TAS2R20: variants seen among roughly 807,000 people sequenced by gnomAD.
TAS2R20 encodes the protein taste 2 receptor member 20, also known as taste receptor type 2 member 20.
For missense variants in TAS2R20, 364 were observed against 352.2 expected, an observed-to-expected ratio of 1.03 and a Z score of -0.27; for synonymous variants, 136 against 127.1, an observed-to-expected ratio of 1.07 and a Z score of -0.47.
rs772942599 is a variant in TAS2R20, at chr12:10,997,184, A to G, written c.692T>C (p.Val231Ala). The change falls in exon 1 of 1, where the codon GTG becomes GCG. Residue 231 changes from valine to alanine, a missense_variant. By Grantham distance (64) the Val-to-Ala change is moderately conservative. Transcript: ENST00000538986. ...TKIHIKALQT[V>A]TSFLILLAIY... ...GGCAAGTAATATGAGGAAGGAGGTC[A>G]CAGTTTGCAGAGCTTTTATGTGGAT... is the stretch of plus-strand genomic sequence containing the variant. 1 of 1,614,138 alleles carries G rather than the reference A, an allele frequency of 6.2e-7. No homozygotes were observed. Among genetic ancestry groups the G allele is most frequent in the South Asian group, 1.1e-5 (1 of 91,082 alleles).
Position 10,997,872 on chromosome 12 carries a change from T to C in TAS2R20, c.4A>G (p.Met2Val). The change falls in exon 1 of 1, where the codon ATG becomes GTG. Residue 2 changes from methionine to valine, a missense_variant. Met to Val is a conservative substitution (Grantham distance 21). Transcript: ENST00000538986. M[M>V]SFLHIVFSIL... ...GAAAAAACAATGTGTAGAAAACTCA[T>C]CATGTCTAAACAAAAAAGCAAGTAA... 6.3e-7 allele frequency: 1 copy of C among 1,583,980 alleles called. No homozygotes were observed. The highest frequency in any genetic ancestry group is 8.6e-7 in the Non-Finnish European group (1 of 1,166,160).
Position 10,997,413 on chromosome 12 carries a change from T to C in TAS2R20, c.463A>G (p.Thr155Ala), listed in dbSNP as rs774403812. ...GTTACGTTTCCTTCACATTCTTCTG[T>C]CCACACATTTATATACGTGTGTTTC... is the stretch of plus-strand genomic sequence containing the variant. ...VMKHTYINVWTEECEGNVTWK... is the reference protein window; with the variant it reads ...VMKHTYINVWAEECEGNVTWK... Residue 155 changes from threonine to alanine, a missense_variant, in exon 1 of 1, where the codon ACA becomes GCA. By Grantham distance (58) the Thr-to-Ala change is moderately conservative (BLOSUM62 0). Coordinates refer to ENST00000538986, the MANE Select transcript of TAS2R20 (RefSeq NM_176889.4). The C allele has an allele frequency of 1.2e-6, 2 of 1,614,082 alleles. No individual in the cohort carries two copies. The highest frequency in any genetic ancestry group is 1.3e-5 in the African/African-American group (1 of 75,052).
Position 10,996,902 on chromosome 12 carries a change from A to G in TAS2R20, c.*44T>C. 1.3e-6 allele frequency: 2 copies of G among 1,513,052 alleles called. No homozygotes were observed. Among genetic ancestry groups the G allele is most frequent in the Non-Finnish European group, 1.8e-6 (2 of 1,125,312 alleles). The allele number at this position is 1,513,052 out of a possible 1,614,324, so 93.7% of individuals were successfully genotyped here. The stretch of plus-strand genomic sequence containing the variant: ...AATATAAAATGTTCCAGACACCATC[A>G]ATTTGTTTTCTGCTAGAAAACACAC... On this transcript the variant is annotated 3_prime_UTR_variant, in exon 1 of 1. Coordinates refer to ENST00000538986, the MANE Select transcript of TAS2R20 (RefSeq NM_176889.4).
Position 10,996,928 on chromosome 12 carries a change from A to G in TAS2R20, c.*18T>C. ...ATTTGTTTTCTGCTAGAAAACACAC[A>G]ATGCACCTCTTGTGAATCTATGGAG... On this transcript the variant is annotated 3_prime_UTR_variant, in exon 1 of 1. Coordinates refer to ENST00000538986, the MANE Select transcript of TAS2R20 (RefSeq NM_176889.4). The G allele has an allele frequency of 1.3e-6, 2 of 1,568,500 alleles. No homozygotes were observed. Among genetic ancestry groups the G allele is most frequent in the East Asian group, 2.3e-5 (1 of 44,258 alleles).
Position 10,997,213 on chromosome 12 carries a change from G to C in TAS2R20, c.663C>G (p.Thr221=). The C allele has an allele frequency of 6.2e-7, 1 of 1,614,058 alleles. No individual in the cohort carries two copies. Among genetic ancestry groups the C allele is most frequent in the Admixed American group, 1.7e-5 (1 of 59,998 alleles). The change falls in exon 1 of 1, where the codon ACC becomes ACG. Residue 221 remains threonine, a synonymous_variant. Coordinates refer to ENST00000538986, the MANE Select transcript of TAS2R20 (RefSeq NM_176889.4). The part of the protein sequence containing the change: ...LHGKGSQDPS[T]KIHIKALQTV... ...TTTGCAGAGCTTTTATGTGGATCTT[G>C]GTGCTGGGATCTTGAGATCCTTTGC... is the stretch of plus-strand genomic sequence containing the variant.
In TAS2R20 at chr12:10,997,656, T is replaced by G. The variant is rs1047173607; in HGVS notation, c.220A>C (p.Thr74Pro). Residue 74 changes from threonine to proline, a missense_variant, in exon 1 of 1, where the codon ACT (threonine) becomes CCT (proline). Thr to Pro is a conservative substitution (Grantham distance 38, BLOSUM62 -1). Transcript: ENST00000538986. ...ATTATTACTTTTAAATTAGATGAAG[T>G]TGGATTCAACACAGTTGAATACCAA... ...LHWYSTVLNP[T>P]SSNLKVIIFI... 1 of 1,613,472 alleles carries G rather than the reference T, an allele frequency of 6.2e-7. No individual in the cohort carries two copies. The highest frequency in any genetic ancestry group is 1.3e-5 in the African/African-American group (1 of 74,884).
rs61912291 is a variant in TAS2R20, at chr12:10,996,791, T to G, written c.*155A>C. 113,712 of 497,590 alleles carry G rather than the reference T, an allele frequency of 0.23. 13,829 individuals are homozygous for G. Among genetic ancestry groups the G allele is most frequent in the Non-Finnish European group, 0.25 (73,037 of 294,906 alleles). The allele number at this position is 497,590 out of a possible 1,614,324, so 30.8% of individuals were successfully genotyped here. ...AAATGTATATTATATATATATACTT[T>G]TATATAATAAACTTAGGTAAAAGAC... On this transcript the variant is annotated 3_prime_UTR_variant, in exon 1 of 1. Coordinates refer to ENST00000538986, the MANE Select transcript of TAS2R20 (RefSeq NM_176889.4).
the TAS2R20 span, chr12:10,996,995 A>T: frequency 6.2e-7 from 1 of 1,613,828 alleles, no homozygotes; most frequent in Non-Finnish European, 8.5e-7. Context: ...CACCTGCCAC[A>T]AAACTGAAAG....
rs1021300453 is a variant in TAS2R20 at position 10,996,529 on chromosome 12, G to A, written c.*417C>T. The A allele has an allele frequency of 4.6e-5, 7 of 153,204 alleles. No homozygotes were observed. Among genetic ancestry groups the A allele is most frequent in the African/African-American group, 7.2e-5 (3 of 41,404 alleles). The allele number at this position is 153,204 out of a possible 1,614,324, so 9.5% of individuals were successfully genotyped here. ...CGAAAAACAGCAATGATTTTACAAC[G>A]AAAAACAGCAATGATTTTCTGATAT... is the stretch of plus-strand genomic sequence containing the variant. On this transcript the variant is annotated 3_prime_UTR_variant, in exon 1 of 1. Coordinates refer to ENST00000538986, the MANE Select transcript of TAS2R20 (RefSeq NM_176889.4).
chr12:10,997,531 T>G lies in TAS2R20; in HGVS notation c.345A>C (p.Arg115Ser). 1 of 1,614,020 alleles carries G rather than the reference T, an allele frequency of 6.2e-7. No homozygotes were observed. The highest frequency in any genetic ancestry group is 8.5e-7 in the Non-Finnish European group (1 of 1,179,964). Residue 115 changes from arginine to serine, a missense_variant, in exon 1 of 1, where the codon AGA becomes AGC. Coordinates refer to ENST00000538986, the MANE Select transcript of TAS2R20 (RefSeq NM_176889.4). ...FYLLKIVNFS[R>S]LIFHHLKRKA... ...TCCTTTTTAAGTGATGAAAAATAAG[T>G]CTGGAGAAATTGACGATCTTGAGCA...
In TAS2R20 at chr12:10,997,230, A is replaced by G; in HGVS notation, c.646T>C (p.Ser216Pro). 6.2e-7 allele frequency: 1 copy of G among 1,613,954 alleles called. No homozygotes were observed. The highest frequency in any genetic ancestry group is 8.5e-7 in the Non-Finnish European group (1 of 1,179,946). Residue 216 changes from serine (S) to proline (P), a missense_variant, in exon 1 of 1, where the codon TCT becomes CCT. Transcript: ENST00000538986. ...LKKMQLHGKG[S>P]QDPSTKIHIK... ...TGGATCTTGGTGCTGGGATCTTGAG[A>G]TCCTTTGCCATGGAGCTGCATCTTC... is the stretch of plus-strand genomic sequence containing the variant.
At position 10,997,597 on chromosome 12, in the gene TAS2R20, A is replaced by C. The variant is rs1334743079; in HGVS notation, c.279T>G (p.His93Gln). ...GGCTAGTAGCAAGCCAGATGCTGAA[A>C]TGATTGGTTACTGCCCAGGCATTAG... ...FISNAWAVTN[H>Q]FSIWLATSLS... is the part of the protein sequence containing the mutation. The change falls in exon 1 of 1, where the codon CAT becomes CAG. Residue 93 changes from histidine to glutamine, a missense_variant. Coordinates refer to ENST00000538986, the MANE Select transcript of TAS2R20 (RefSeq NM_176889.4). The C allele has an allele frequency of 1.9e-6, 3 of 1,613,982 alleles. No individual in the cohort carries two copies. In the African/African-American group the frequency reaches 4.0e-5, roughly 22 times the overall value.
chr12:10,997,645 A>G lies in TAS2R20; in HGVS notation c.231T>C (p.Asn77=), dbSNP rs779976443. ...TAGAAATAAAAATTATTACTTTTAA[A>G]TTAGATGAAGTTGGATTCAACACAG... ...YSTVLNPTSS[N]LKVIIFISNA... The change falls in exon 1 of 1, where the codon AAT becomes AAC. Residue 77 remains asparagine (N), a synonymous_variant. Coordinates refer to ENST00000538986, the MANE Select transcript of TAS2R20 (RefSeq NM_176889.4). 12 of 1,613,726 alleles carry G rather than the reference A, an allele frequency of 7.4e-6. 1 individual carries two copies. The South Asian group carries it at 9.9e-5, about 13-fold the overall frequency.
In TAS2R20 at chr12:10,997,760, T is replaced by A. The variant is rs144230027; in HGVS notation, c.116A>T (p.Gln39Leu). ...LINFIAWVKR[Q>L]KISSADQIIA... ...AATTTGATCAGCTGAGGAGATCTTT[T>A]GTCTCTTGACCCAGGCAATGAAATT... The change falls in exon 1 of 1, where the codon CAA (glutamine) becomes CTA (leucine). Residue 39 changes from glutamine to leucine, a missense_variant. Transcript: ENST00000538986. The A allele has an allele frequency of 6.2e-7, 1 of 1,613,846 alleles. No homozygotes were observed. The highest frequency in any genetic ancestry group is 1.3e-5 in the African/African-American group (1 of 74,930).
Position 10,997,550 on chromosome 12 carries a change from T to A in TAS2R20, c.326A>T (p.Lys109Met). 1 of 1,614,098 alleles carries A rather than the reference T, an allele frequency of 6.2e-7. No homozygotes were observed. The highest frequency in any genetic ancestry group is 8.5e-7 in the Non-Finnish European group (1 of 1,179,988). Reference protein sequence around the residue: ...ATSLSIFYLLKIVNFSRLIFH... With the variant: ...ATSLSIFYLLMIVNFSRLIFH... ...AATAAGTCTGGAGAAATTGACGATCTTGAGCAAATAAAATATGCTGAGGCT... is the reference window on the plus strand; with the variant it reads ...AATAAGTCTGGAGAAATTGACGATCATGAGCAAATAAAATATGCTGAGGCT... Residue 109 changes from lysine (K) to methionine (M), a missense_variant, in exon 1 of 1, where the codon AAG becomes ATG. Transcript: ENST00000538986.
chr12:10,997,512 T>C lies in TAS2R20; in HGVS notation c.364A>G (p.Lys122Glu), dbSNP rs764482903. The C allele has an allele frequency of 9.9e-6, 16 of 1,613,816 alleles. No homozygotes were observed. Among genetic ancestry groups the C allele is most frequent in the East Asian group, 2.2e-5 (1 of 44,888 alleles). The change falls in exon 1 of 1, where the codon AAA (lysine) becomes GAA (glutamate). Residue 122 changes from lysine (K) to glutamate (E), a missense_variant. Lys to Glu is a moderately conservative substitution (Grantham distance 56). Coordinates refer to ENST00000538986, the MANE Select transcript of TAS2R20 (RefSeq NM_176889.4). ...AGAACTACACTCTTAGCCTTCCTTT[T>C]TAAGTGATGAAAAATAAGTCTGGAG... ...NFSRLIFHHLKRKAKSVVLVI... is the reference protein window; with the variant it reads ...NFSRLIFHHLERKAKSVVLVI...
At chr12:10,996,960 G>A in the TAS2R20 span, 9 of 1,609,946 alleles carry the variant, frequency 5.6e-6, no homozygotes, top group African/African-American at 1.1e-4. Context: ...GGAGTTGACT[G>A]GTTCTGTCCT....
the TAS2R20 span, chr12:10,997,029 TC>T: frequency 6.2e-7 from 1 of 1,613,944 alleles, no homozygotes; most frequent in Non-Finnish European, 8.5e-7. Context: ...AGCGTCTTGT[TC>T]CCCCAAATCA....
chr12:10,997,892 A>C lies in TAS2R20; in HGVS notation c.-17T>G. 2 of 1,546,568 alleles carry C rather than the reference A, an allele frequency of 1.3e-6. No individual in the cohort carries two copies. Among genetic ancestry groups the C allele is most frequent in the Non-Finnish European group, 1.7e-6 (2 of 1,147,524 alleles). On this transcript the variant is annotated 5_prime_UTR_variant, in exon 1 of 1. Coordinates refer to ENST00000538986, the MANE Select transcript of TAS2R20 (RefSeq NM_176889.4). ...ACTCATCATGTCTAAACAAAAAAGCAAGTAAAAAATTCAGGCCTAATGTCA... is the reference window on the plus strand; with the variant it reads ...ACTCATCATGTCTAAACAAAAAAGCCAGTAAAAAATTCAGGCCTAATGTCA...
Sources: gnomAD v4.1 joint callset for allele counts on GRCh38, gnomAD v4.1.1 for gene constraint, MANE v1.5 for transcripts, NCBI Gene and HGNC (gene_info 2026-07-23, HGNC 2026-07-21) for gene names.